The following KMT2C variants were observed in gnomAD, a reference collection of about 807,000 sequenced individuals.
KMT2C encodes the protein histone-lysine N-methyltransferase 2C.
A neutral mutation model predicts 507.9 loss-of-function variants in KMT2C; 88 were observed. The ratio of observed to expected loss-of-function variants is 0.17; its 90% CI spans 0.15 to 0.21. KMT2C has a LOEUF of 0.21. Among genes scored for constraint, KMT2C ranks in the 10% least tolerant of loss-of-function variants. KMT2C has a pLI of 1.00. For missense variants in KMT2C, 4,954 were observed against 5,957.8 expected (o/e 0.83, Z 5.55); for synonymous variants, 2,049 against 2,080.8 (o/e 0.98, Z 0.42).
chr7:152,428,696 A>G (rs2097843754), intron 1 of KMT2C, among the ~76,000 whole-genome samples: 1 of 152,026 alleles, frequency 6.6e-6, no homozygotes, highest in Non-Finnish European at 1.5e-5. Context: ...TAGAAACAGC[A>G]TCTCAAATAG....
chr7:152,270,062 C>T (rs935799217), intron 7 of KMT2C, among the ~76,000 whole-genome samples: 6 of 152,174 alleles, frequency 3.9e-5, no homozygotes, highest in African/African-American at 1.4e-4. Flanking sequence ...TTAAGAAGGA[C>T]CAAATCAGCA....
At chr7:152,293,910 T>A (rs1205172230) in intron 6 of KMT2C, among the ~76,000 whole-genome samples, 1 of 152,202 alleles carries the variant, frequency 6.6e-6, no homozygotes, top group Non-Finnish European at 1.5e-5. Flanking sequence ...CAGGCTGGAG[T>A]GCAGTGGTGC....
chr7:152,299,319 AAAAT>A (rs71294474), intron 6 of KMT2C, among the ~76,000 whole-genome samples: 15,029 of 146,658 alleles, frequency 0.1, 890 homozygotes, highest in East Asian at 0.22. Flanking sequence ...TCTATCTCAA[AAAAT>A]AAATAAATAA....
chr7:152,395,718 G>C (rs1426559662), intron 1 of KMT2C, among the ~76,000 whole-genome samples: 3 of 152,098 alleles, frequency 2.0e-5, no homozygotes, highest in Non-Finnish European at 4.4e-5. Flanking sequence ...ATGTTGGCCA[G>C]GCTGGTCTCA....
chr7:152,255,123 A>G (rs553084220), intron 9 of KMT2C, among the ~76,000 whole-genome samples: 29 of 112,608 alleles, frequency 2.6e-4, no homozygotes, highest in Middle Eastern at 4.4e-3. Context: ...ATATATATAT[A>G]TATATATATA....
intron 6 of KMT2C, among the ~76,000 whole-genome samples, chr7:152,284,450 G>A (rs2096266040): frequency 1.3e-5 from 2 of 152,116 alleles, no homozygotes; most frequent in Non-Finnish European, 2.9e-5. Context: ...TATCATATGT[G>A]TAATTTAACC....
At chr7:152,204,992 G>A (rs1291399666) in intron 25 of KMT2C, 114 bp downstream of exon 25, 4 of 618,974 alleles carry the variant, frequency 6.5e-6, no homozygotes, top group Non-Finnish European at 1.1e-5. Flanking sequence ...AACAATAAGA[G>A]GCAATAAGGC....
rs2129117978 is a variant in KMT2C at position 152,179,887 on chromosome 7, A to G, written c.7389T>C (p.Arg2463=). 8.1e-6 allele frequency: 13 copies of G among 1,614,126 alleles called. No homozygotes were observed. Among genetic ancestry groups the G allele is most frequent in the Non-Finnish European group, 1.1e-5 (13 of 1,179,988 alleles). ...PRYAVFPKDQ[R]GPYPPDVASM... The stretch of plus-strand genomic sequence containing the variant: ...TAGCAACATCAGGAGGATAGGGTCC[A>G]CGCTGATCTTTTGGGAAAACAGCAT... The change falls in exon 37 of 59, where the codon CGT becomes CGC. Residue 2463 remains arginine (R), a synonymous_variant. Transcript: ENST00000262189.
In KMT2C at chr7:152,179,817, GA is replaced by G; in HGVS notation, c.7442+16del. ...TCTAATAGCAATTTAAATTCGGCAG[GA>G]AATTAAAAGCATTACCTAAATCCAT... On this transcript the variant is annotated intron_variant, in intron 37 of 58. Transcript: ENST00000262189. 6.2e-7 allele frequency: 1 copy of G among 1,609,350 alleles called. No homozygotes were observed.
intron 23 of KMT2C, among the ~76,000 whole-genome samples, chr7:152,218,681 CATCACCTTATGGTTGTGTGAGAT>C (rs1435416903): frequency 2.5e-4 from 38 of 152,266 alleles, no homozygotes; most frequent in African/African-American, 8.2e-4. Flanking sequence ...ACTACTGACA[CATCACCTTATGGTTGTGTGAGAT>C]ATACTGAGCC....
intron 42 of KMT2C, among the ~76,000 whole-genome samples, chr7:152,166,189 C>T (rs1297479685): frequency 2.0e-5 from 3 of 149,344 alleles, no homozygotes; most frequent in Non-Finnish European, 4.4e-5. Flanking sequence ...GTGGCGCAAG[C>T]TCGGCTCACC....
At chr7:152,236,563 G>A (rs1213077116) in intron 15 of KMT2C, among the ~76,000 whole-genome samples, 2 of 152,160 alleles carry the variant, frequency 1.3e-5, no homozygotes, top group African/African-American at 2.4e-5. Context: ...ATTTTTGCTA[G>A]TGTTGTGTAA....
At chr7:152,152,575 T>C in intron 49 of KMT2C, 130 bp downstream of exon 49, 1 of 1,103,536 alleles carries the variant, frequency 9.1e-7, no homozygotes, top group Non-Finnish European at 1.3e-6. Context: ...CCACACATGG[T>C]AAGTTCACCA....
At chr7:152,215,170 A>G (rs938846561) in intron 23 of KMT2C, among the ~76,000 whole-genome samples, 46 of 152,102 alleles carry the variant, frequency 3.0e-4, no homozygotes, top group Admixed American at 5.2e-4. Flanking sequence ...GCCCACTTAC[A>G]TACAACATTA....
At chr7:152,388,578 A>G (rs200026455) in intron 1 of KMT2C, among the ~76,000 whole-genome samples, 93 of 147,556 alleles carry the variant, frequency 6.3e-4, no homozygotes, top group East Asian at 3.1e-3. Context: ...ACAAACGAAA[A>G]AAGTATCTAA....
chr7:152,253,067 C>G (rs1016027933), intron 9 of KMT2C, among the ~76,000 whole-genome samples: 2 of 152,018 alleles, frequency 1.3e-5, no homozygotes, highest in Non-Finnish European at 2.9e-5. Flanking sequence ...GTTGGCCAGG[C>G]TCATCTTCAA....
chr7:152,336,772 T>C (rs2096939552), intron 2 of KMT2C, among the ~76,000 whole-genome samples: 1 of 152,222 alleles, frequency 6.6e-6, no homozygotes, highest in South Asian at 2.1e-4. Context: ...TTCAGTGTGG[T>C]ATTTTTCTTG....
At chr7:152,253,339 AG>A (rs1296083151) in intron 9 of KMT2C, among the ~76,000 whole-genome samples, 4 of 151,870 alleles carry the variant, frequency 2.6e-5, no homozygotes, top group Non-Finnish European at 5.9e-5. Flanking sequence ...TGCTAGGAGC[AG>A]GAAGTAATTT....
chr7:152,210,622 C>A (rs1376939514), intron 23 of KMT2C, among the ~76,000 whole-genome samples: 2 of 151,562 alleles, frequency 1.3e-5, no homozygotes, highest in Non-Finnish European at 2.9e-5. Context: ...CCATTGTGGG[C>A]CATGGAAGCC....
Sources: allele counts gnomAD v4.1 joint callset (sites outside exome capture counted in the v4.1 genomes callset), GRCh38; gene constraint gnomAD v4.1.1; transcripts MANE v1.5; gene names NCBI Gene and HGNC (gene_info 2026-07-23, HGNC 2026-07-21).